Variants in ABCA4 observed in about 807,000 individuals in gnomAD.
The protein encoded by ABCA4 is ATP binding cassette subfamily A member 4.
ABCA4 carries 196 observed loss-of-function variants against 263.7 expected under a neutral mutation model. The ratio of observed to expected loss-of-function variants is 0.74; its 90% CI spans 0.66 to 0.84. ABCA4 has a LOEUF of 0.84. Among genes scored for constraint, ABCA4 ranks in the 40% least tolerant of loss-of-function variants. ABCA4 has a pLI of 0.00. For missense variants in ABCA4, 2,792 were observed against 2,855.1 expected, an observed-to-expected ratio of 0.98 and a Z score of 0.50; for synonymous variants, 1,133 against 1,094.2, an observed-to-expected ratio of 1.04 and a Z score of -0.70.
At chr1:94,054,283 G>A (rs1051080175) in intron 16 of ABCA4, among the ~76,000 whole-genome samples, 1 of 152,180 alleles carries the variant, frequency 6.6e-6, no homozygotes, top group Non-Finnish European at 1.5e-5. Context: ...TGCTCTCTGG[G>A]CTCATATTCT....
intron 26 of ABCA4, among the ~76,000 whole-genome samples, chr1:94,034,431 C>T (rs148149619): frequency 0.012 from 1,809 of 152,114 alleles, 10 homozygotes; most frequent in Non-Finnish European, 0.019. Context: ...CAGGCAGTAA[C>T]AGTAGTAACT....
chr1:94,084,759 G>A (rs1482252053), intron 6 of ABCA4, among the ~76,000 whole-genome samples: 1 of 152,188 alleles, frequency 6.6e-6, no homozygotes, highest in Non-Finnish European at 1.5e-5. Flanking sequence ...CTGGACCGAG[G>A]CATTTGTCTT....
chr1:94,006,495 A>G (rs902782638), intron 43 of ABCA4, among the ~76,000 whole-genome samples: 1 of 152,180 alleles, frequency 6.6e-6, no homozygotes, highest in Non-Finnish European at 1.5e-5. Flanking sequence ...GGAAAATTCT[A>G]TGATATCTTT....
intron 11 of ABCA4, among the ~76,000 whole-genome samples, chr1:94,071,629 C>T (rs573134629): frequency 2.8e-4 from 43 of 152,196 alleles, no homozygotes; most frequent in Non-Finnish European, 5.6e-4. Flanking sequence ...GGGAGTATTG[C>T]ATGAGATGAC....
At chr1:94,053,190 T>C (rs772521244) in intron 16 of ABCA4, among the ~76,000 whole-genome samples, 3 of 152,212 alleles carry the variant, frequency 2.0e-5, no homozygotes, top group Non-Finnish European at 4.4e-5. Flanking sequence ...AGCTGCATCC[T>C]TCATTTTAAA....
chr1:94,044,676 G>A lies in ABCA4; in HGVS notation c.2987C>T (p.Thr996Ile). ...GCTCTGCCGGACTGCATCCAGGCTG[G>A]TTTCAATGTCCCTTCCCCCAACGAG... The part of the protein sequence containing the change: ...TVLVGGRDIE[T>I]SLDAVRQSLG... Residue 996 changes from threonine (T) to isoleucine (I), a missense_variant, in exon 20 of 50, where the codon ACC (threonine) becomes ATC (isoleucine). Transcript: ENST00000370225. 1.9e-6 allele frequency: 3 copies of A among 1,614,196 alleles called. No individual in the cohort carries two copies. The highest frequency in any genetic ancestry group is 2.5e-6 in the Non-Finnish European group (3 of 1,180,054).
chr1:94,045,540 G>C (rs573758990), intron 19 of ABCA4, among the ~76,000 whole-genome samples: 118 of 152,270 alleles, frequency 7.7e-4, no homozygotes, highest in African/African-American at 2.5e-3. Context: ...GAGCCCTGGG[G>C]TCCTGGAATT....
At chr1:94,113,182 G>T (rs2101167417) in intron 1 of ABCA4, 116 bp from the exon 2 acceptor site, 1 of 957,620 alleles carries the variant, frequency 1.0e-6, no homozygotes, top group Non-Finnish European at 1.7e-6. Context: ...GACTTTGGTT[G>T]TGGTATCTTT....
Position 94,098,944 on chromosome 1 carries a change from G to A in ABCA4, c.618C>T (p.Ser206=), listed in dbSNP as rs61748536. The A allele has an allele frequency of 5.4e-4, 868 of 1,612,626 alleles. 5 individuals are homozygous for A. In the African/African-American group the frequency reaches 0.011, roughly 20 times the overall value. ...PDLALKDIAC[S]EALLERFIIF... is the part of the protein sequence containing the mutation. ...TGATGAAGCGCTCCAGGAGGGCCTC[G>A]CTGCAGGCGATGTCCTTCAGCGCCA... is the stretch of plus-strand genomic sequence containing the variant. Residue 206 remains serine, a synonymous_variant, in exon 6 of 50, where the codon AGC becomes AGT. Coordinates refer to ENST00000370225, the MANE Select transcript of ABCA4 (RefSeq NM_000350.3).
Position 93,996,174 on chromosome 1 carries a change from GT to G in ABCA4, c.6750del (p.Lys2250AsnfsTer60), listed in dbSNP as rs281865406. 1 of 1,613,968 alleles carries G rather than the reference GT, an allele frequency of 6.2e-7. No homozygotes were observed. The highest frequency in any genetic ancestry group is 8.5e-7 in the Non-Finnish European group (1 of 1,180,010). On this transcript the variant is annotated frameshift_variant, in exon 49 of 50. Transcript: ENST00000370225. LOFTEE classifies it high-confidence loss of function. ...TLDQVFVNFA[K>X]QQTESHDLPL... The stretch of plus-strand genomic sequence containing the variant: ...GGGAGGTCATGACTTTCAGTCTGCT[GT>G]TTAGCAAAATTTACAAACACCTAGA...
At chr1:94,015,929 G>T (rs990247832) in intron 36 of ABCA4, 75 bp from the exon 37 acceptor site, 7 of 1,272,094 alleles carry the variant, frequency 5.5e-6, no homozygotes, top group South Asian at 1.3e-5. Flanking sequence ...GAGGGGTGGG[G>T]CCAGGCTCCT....
chr1:94,030,485 T>C lies in ABCA4; in HGVS notation c.4295A>G (p.Asp1432Gly). 6.2e-7 allele frequency: 1 copy of C among 1,614,246 alleles called. No homozygotes were observed. The highest frequency in any genetic ancestry group is 1.1e-5 in the South Asian group (1 of 91,084). Residue 1432 changes from aspartate to glycine, a missense_variant, in exon 29 of 50, where the codon GAC (aspartate) becomes GGC (glycine). Coordinates refer to ENST00000370225, the MANE Select transcript of ABCA4 (RefSeq NM_000350.3). Reference protein sequence around the residue: ...PGSEQFTVLADVLLNKPGFGN... With the variant: ...PGSEQFTVLAGVLLNKPGFGN... Reference sequence around the variant, plus strand: ...AAAGCCTGGCTTATTCAGGAGGACGTCTGCAAGTACCGTGAACTGCTCACT... The same window carrying C: ...AAAGCCTGGCTTATTCAGGAGGACGCCTGCAAGTACCGTGAACTGCTCACT...
At chr1:94,011,500 G>C in intron 38 of ABCA4, 115 bp from the exon 39 acceptor site, 3 of 1,538,972 alleles carry the variant, frequency 1.9e-6, no homozygotes, top group East Asian at 2.3e-5. Context: ...TGCAGACAGA[G>C]AGTCCTTGCA....
In ABCA4 at chr1:94,113,083, AAAAG is replaced by A; in HGVS notation, c.67-21_67-18del. 1 of 1,610,754 alleles carries A rather than the reference AAAAG, an allele frequency of 6.2e-7. No homozygotes were observed. The highest frequency in any genetic ancestry group is 8.5e-7 in the Non-Finnish European group (1 of 1,177,022). On this transcript the variant is annotated intron_variant, in intron 1 of 49. Transcript: ENST00000370225. ...AAAGCGAATCTGGAAAAACAAAACA[AAAAG>A]AGAGAAAGTTCAGTGGTGCTAAGAG...
At chr1:94,111,780 C>T (rs1662612287) in intron 2 of ABCA4, among the ~76,000 whole-genome samples, 1 of 152,136 alleles carries the variant, frequency 6.6e-6, no homozygotes, top group Admixed American at 6.5e-5. Context: ...TCTCAAGCTC[C>T]CGGTGTAGTG....
At chr1:94,055,436 A>G in intron 15 of ABCA4, 121 bp from the exon 16 acceptor site, 6 of 958,236 alleles carry the variant, frequency 6.3e-6, no homozygotes, top group Non-Finnish European at 9.6e-6. Context: ...CTCTCAGTGT[A>G]AGGTCAGCTC....
chr1:94,019,728 T>G lies in ABCA4; in HGVS notation c.5050A>C (p.Ile1684Leu), dbSNP rs1659844962. Residue 1684 changes from isoleucine (I) to leucine (L), a missense_variant, in exon 36 of 50, where the codon ATC becomes CTC. Coordinates refer to ENST00000370225, the MANE Select transcript of ABCA4 (RefSeq NM_000350.3). ...LTTSVDAVVA[I>L]CVIFSMSFVP... ...AAGGACATGGAGAAAATCACGCAGATGGCAACCACAGCATCCACTGAAGTG... is the reference window on the plus strand; with the variant it reads ...AAGGACATGGAGAAAATCACGCAGAGGGCAACCACAGCATCCACTGAAGTG... 1.2e-6 allele frequency: 2 copies of G among 1,613,290 alleles called. No homozygotes were observed. The highest frequency in any genetic ancestry group is 1.7e-6 in the Non-Finnish European group (2 of 1,179,718).
chr1:94,021,546 G>C (rs977656489), intron 34 of ABCA4, 94 bp downstream of exon 34: 18 of 1,498,116 alleles, frequency 1.2e-5, no homozygotes, highest in Non-Finnish European at 1.7e-5. Context: ...AGCAGGAGGA[G>C]GGATGGAATT....
intron 14 of ABCA4, among the ~76,000 whole-genome samples, chr1:94,058,787 G>GT (rs796948165): frequency 9.2e-5 from 14 of 152,372 alleles, no homozygotes; most frequent in African/African-American, 3.1e-4. Context: ...TGACCCTACA[G>GT]TTTCACCAGC....
Sources: gnomAD v4.1 joint callset for allele counts (sites outside exome capture counted in the v4.1 genomes callset) on GRCh38, gnomAD v4.1.1 for gene constraint, MANE v1.5 for transcripts, NCBI Gene and HGNC (gene_info 2026-07-23, HGNC 2026-07-21) for gene names.